The following ELOVL4 variants were observed in gnomAD, a reference collection of about 807,000 sequenced individuals.
The protein encoded by ELOVL4 is ELOVL fatty acid elongase 4, also known as very long chain fatty acid elongase 4.
Under a neutral mutation model 42.1 loss-of-function variants are expected in ELOVL4, and 18 were observed. That is an observed-to-expected ratio of 0.43 (90% CI 0.30 to 0.63). The LOEUF (loss-of-function observed/expected upper bound fraction) is 0.63, where lower values mean the gene tolerates loss of function less well. ELOVL4 is among the 30% of genes least tolerant of loss of function. ELOVL4 has a pLI of 0.15. For synonymous variants in ELOVL4, 117 were observed against 127.0 expected, an observed-to-expected ratio of 0.92 and a Z score of 0.53; for missense variants, 299 against 376.2, an observed-to-expected ratio of 0.79 and a Z score of 1.70.
At chr6:79,943,292 A>T (rs1774677354) in intron 1 of ELOVL4, among the ~76,000 whole-genome samples, 1 of 152,000 alleles carries the variant, frequency 6.6e-6, no homozygotes, top group Admixed American at 6.5e-5. Flanking sequence ...ATCCCCTCCC[A>T]CTAGCCCCCA....
At chr6:79,921,367 A>C (rs1197393983) in intron 4 of ELOVL4, among the ~76,000 whole-genome samples, 1 of 143,632 alleles carries the variant, frequency 7.0e-6, no homozygotes, top group Non-Finnish European at 1.5e-5. Flanking sequence ...AGGCTGAGGC[A>C]GGAGAATCGC....
chr6:79,934,480 A>AC (rs1335531312), intron 1 of ELOVL4, among the ~76,000 whole-genome samples: 1 of 152,170 alleles, frequency 6.6e-6, no homozygotes, highest in Non-Finnish European at 1.5e-5. Flanking sequence ...ACACATGGAT[A>AC]CCACGACGTC....
At chr6:79,940,963 A>G (rs1774635445) in intron 1 of ELOVL4, among the ~76,000 whole-genome samples, 1 of 152,170 alleles carries the variant, frequency 6.6e-6, no homozygotes, top group African/African-American at 2.4e-5. Context: ...TTGTTGCTCT[A>G]TTCCTCTACC....
At chr6:79,918,366 C>T (rs967458287) in intron 5 of ELOVL4, among the ~76,000 whole-genome samples, 1 of 152,000 alleles carries the variant, frequency 6.6e-6, no homozygotes, top group Non-Finnish European at 1.5e-5. Flanking sequence ...GGTGTAGGCT[C>T]CAACAAACCA....
chr6:79,917,591 G>A (rs930379458), intron 5 of ELOVL4, among the ~76,000 whole-genome samples: 4 of 152,138 alleles, frequency 2.6e-5, no homozygotes, highest in South Asian at 2.1e-4. Context: ...AGGCCGAGGC[G>A]GGTGGATCAA....
At chr6:79,945,145 C>G (rs1397084590) in intron 1 of ELOVL4, among the ~76,000 whole-genome samples, 1 of 152,120 alleles carries the variant, frequency 6.6e-6, no homozygotes, top group Non-Finnish European at 1.5e-5. Context: ...ATCCACTAAG[C>G]CTCTCTGTTG....
chr6:79,940,582 G>T lies in ELOVL4; in HGVS notation c.100+6598C>A, dbSNP rs1478768901. 2.0e-5 allele frequency among the ~76,000 whole-genome samples: 3 copies of T among 152,024 alleles called. No individual in the cohort carries two copies. The East Asian group carries it at 5.8e-4, about 29-fold the overall frequency. ...TGTTAAAATTTCACATTTTCTATTGGAAAAATATGAAGACTGAGTTTAGAC... is the reference window on the plus strand; with the variant it reads ...TGTTAAAATTTCACATTTTCTATTGTAAAAATATGAAGACTGAGTTTAGAC... On this transcript the variant is annotated intron_variant, in intron 1 of 5. Transcript: ENST00000369816.
In ELOVL4 at chr6:79,916,836, A is replaced by G; in HGVS notation, c.717T>C (p.Thr239=). 1 of 1,614,192 alleles carries G rather than the reference A, an allele frequency of 6.2e-7. No individual in the cohort carries two copies. Among genetic ancestry groups the G allele is most frequent in the Non-Finnish European group, 8.5e-7 (1 of 1,180,028 alleles). ...TIGHTALSLY[T]DCPFPKWMHW... ...GCATCCATTTGGGGAAGGGGCAGTC[A>G]GTGTAAAGAGACAGTGCCGTGTGCC... is the stretch of plus-strand genomic sequence containing the variant. Residue 239 remains threonine, a synonymous_variant, in exon 6 of 6, where the codon ACT becomes ACC. Coordinates refer to ENST00000369816, the MANE Select transcript of ELOVL4 (RefSeq NM_022726.4).
chr6:79,917,619 A>G (rs1446661378), intron 5 of ELOVL4, among the ~76,000 whole-genome samples: 3 of 152,212 alleles, frequency 2.0e-5, no homozygotes, highest in Non-Finnish European at 4.4e-5. Flanking sequence ...CAGGAGTTCA[A>G]GACCAGCCTG....
chr6:79,917,297 G>A (rs1774179589), intron 5 of ELOVL4, among the ~76,000 whole-genome samples: 2 of 152,108 alleles, frequency 1.3e-5, no homozygotes, highest in Non-Finnish European at 2.9e-5. Context: ...AATATGTGTT[G>A]AATAATGTTA....
At chr6:79,917,247 C>T (rs1007794805) in intron 5 of ELOVL4, among the ~76,000 whole-genome samples, 4 of 152,090 alleles carry the variant, frequency 2.6e-5, no homozygotes, top group African/African-American at 7.2e-5. Flanking sequence ...TCTTGCCCAT[C>T]GGTGATTCTT....
intron 1 of ELOVL4, among the ~76,000 whole-genome samples, chr6:79,946,839 G>A (rs1322939296): frequency 6.6e-6 from 1 of 152,180 alleles, no homozygotes; most frequent in African/African-American, 2.4e-5. Flanking sequence ...AGGGAGGCGA[G>A]CTCGGGAGAT....
At chr6:79,917,429 C>T (rs1450426735) in intron 5 of ELOVL4, among the ~76,000 whole-genome samples, 1 of 152,152 alleles carries the variant, frequency 6.6e-6, no homozygotes, top group Non-Finnish European at 1.5e-5. Context: ...CAAGCAGATA[C>T]ACATACTTAA....
chr6:79,937,150 T>C (rs1774557619), intron 1 of ELOVL4, among the ~76,000 whole-genome samples: 1 of 152,138 alleles, frequency 6.6e-6, no homozygotes, highest in African/African-American at 2.4e-5. Context: ...TCTCAAGGTA[T>C]GAGGGAGCAG....
In ELOVL4 at chr6:79,921,700, A is replaced by C; in HGVS notation, c.466T>G (p.Phe156Val). The C allele has an allele frequency of 6.2e-7, 1 of 1,614,108 alleles. No individual in the cohort carries two copies. Among genetic ancestry groups the C allele is most frequent in the Non-Finnish European group, 8.5e-7 (1 of 1,180,010 alleles). Residue 156 changes from phenylalanine to valine, a missense_variant, in exon 4 of 6, where the codon TTC (phenylalanine) becomes GTC (valine). Transcript: ENST00000369816. ...ILRKKNNQVS[F>V]LHVYHHCTMF... The stretch of plus-strand genomic sequence containing the variant: ...GTACAGTGATGATACACATGAAGGA[A>C]AGAAACTTGGTTGTTTTTCTTTCTC...
intron 3 of ELOVL4, among the ~76,000 whole-genome samples, chr6:79,923,540 T>G (rs965245785): frequency 6.6e-5 from 10 of 152,178 alleles, no homozygotes; most frequent in Non-Finnish European, 1.3e-4. Flanking sequence ...GCCCTCCAAC[T>G]GAAGAGATTC....
At chr6:79,926,895 G>A (rs1173998070) in intron 1 of ELOVL4, among the ~76,000 whole-genome samples, 1 of 152,110 alleles carries the variant, frequency 6.6e-6, no homozygotes, top group Non-Finnish European at 1.5e-5. Flanking sequence ...GAGTACAGGG[G>A]CACTGAGAGA....
chr6:79,938,849 T>C (rs1774592297), intron 1 of ELOVL4, among the ~76,000 whole-genome samples: 1 of 152,202 alleles, frequency 6.6e-6, no homozygotes, highest in South Asian at 2.1e-4. Flanking sequence ...AAACACAGAT[T>C]ACAGGCCTGA....
At chr6:79,941,520 G>T (rs1774644351) in intron 1 of ELOVL4, among the ~76,000 whole-genome samples, 1 of 152,086 alleles carries the variant, frequency 6.6e-6, no homozygotes, top group Admixed American at 6.5e-5. Context: ...TAAATTTAGT[G>T]AACGGCAACT....
Sources: gnomAD v4.1 joint callset for allele counts (sites outside exome capture counted in the v4.1 genomes callset) on GRCh38, gnomAD v4.1.1 for gene constraint, MANE v1.5 for transcripts, NCBI Gene and HGNC (gene_info 2026-07-23, HGNC 2026-07-21) for gene names.